Variants in RASAL2 observed in about 807,000 individuals in gnomAD.
RASAL2 encodes the protein ras GTPase-activating protein nGAP.
In RASAL2, 58 loss-of-function variants were observed where a neutral mutation model predicts 128.9. The observed-to-expected ratio is 0.45, with a 90% CI of 0.36 to 0.56. The LOEUF is 0.56. Ranked by LOEUF, RASAL2 falls within the 20% of genes least tolerant of loss-of-function variation. The probability of loss-of-function intolerance (pLI) is 0.00; values close to 1 mark genes in which losing one functional copy is unlikely to be tolerated. For synonymous variants in RASAL2, 561 were observed against 580.8 expected, an observed-to-expected ratio of 0.97 and a Z score of 0.49; for missense variants, 1,360 against 1,601.6, an observed-to-expected ratio of 0.85 and a Z score of 2.57.
chr1:178,323,564 G>T (rs1668893523), intron 3 of RASAL2, among the ~76,000 whole-genome samples: 1 of 152,188 alleles, frequency 6.6e-6, no homozygotes, highest in East Asian at 1.9e-4. Context: ...AAATGCCATT[G>T]TCCAAGTTAA....
intron 3 of RASAL2, among the ~76,000 whole-genome samples, chr1:178,329,695 A>G (rs1279928440): frequency 6.6e-6 from 1 of 152,004 alleles, no homozygotes; most frequent in Non-Finnish European, 1.5e-5. Context: ...AAGCTAATGT[A>G]TCTGTCAAGT....
At chr1:178,260,616 A>G (rs1163962126) in intron 1 of RASAL2, among the ~76,000 whole-genome samples, 1 of 151,338 alleles carries the variant, frequency 6.6e-6, no homozygotes. Context: ...TTACAGGTAA[A>G]ATATTTCCCA....
At position 178,300,034 on chromosome 1, in the gene RASAL2, A is replaced by G. The variant is rs1667693987; in HGVS notation, c.373A>G (p.Lys125Glu). The change falls in exon 3 of 18, where the codon AAA becomes GAA. Residue 125 changes from lysine (K) to glutamate (E), a missense_variant. By Grantham distance (56) the Lys-to-Glu change is moderately conservative. Around this residue, in one of 3 missense-constraint regions of RASAL2, gnomAD observed 617 missense variants for 714.2 expected, o/e 0.86. Coordinates refer to ENST00000367649, the MANE Select transcript of RASAL2 (RefSeq NM_170692.4). ...ACAGGAGCAGCAGACAGATTCCACC[A>G]AAGGGCGATGCCTGAGGAGAACTGT... ...GGQEQQTDSTKGRCLRRTVSV... is the reference protein window; with the variant it reads ...GGQEQQTDSTEGRCLRRTVSV... The G allele has an allele frequency of 1.2e-6, 2 of 1,614,044 alleles. No individual in the cohort carries two copies. Among genetic ancestry groups the G allele is most frequent in the Non-Finnish European group, 1.7e-6 (2 of 1,179,956 alleles).
intron 7 of RASAL2, among the ~76,000 whole-genome samples, chr1:178,441,995 G>A (rs776206387): frequency 1.3e-5 from 2 of 151,904 alleles, no homozygotes; most frequent in African/African-American, 2.4e-5. Context: ...AGGAGCAAGC[G>A]AGAGAGAGAG....
chr1:178,432,783 TTCCCCATATCTGTTAGTCTAATTCA>T (rs1676001965), intron 5 of RASAL2, among the ~76,000 whole-genome samples: 1 of 152,154 alleles, frequency 6.6e-6, no homozygotes, highest in Non-Finnish European at 1.5e-5. Flanking sequence ...CATCTACTTC[TTCCCCATATCTGTTAGTCTAATTCA>T]TTATCTTTAC....
At chr1:178,104,853 A>G (rs908619794) in intron 1 of RASAL2, among the ~76,000 whole-genome samples, 3 of 152,258 alleles carry the variant, frequency 2.0e-5, no homozygotes, top group East Asian at 3.9e-4. Flanking sequence ...GGGAGTATAG[A>G]CTCAAAGCAA....
chr1:178,409,395 TAA>T (rs1674213552), intron 4 of RASAL2, among the ~76,000 whole-genome samples: 1 of 152,138 alleles, frequency 6.6e-6, no homozygotes, highest in Non-Finnish European at 1.5e-5. Flanking sequence ...GAGGGGCACG[TAA>T]TCTAGGGCAG....
chr1:178,470,557 A>C (rs1045894361), intron 17 of RASAL2: 3 of 542,034 alleles, frequency 5.5e-6, no homozygotes, highest in Non-Finnish European at 9.6e-6. Context: ...ACCCCTGAGC[A>C]TGAGGAGACA....
chr1:178,326,438 T>A (rs1340138822), intron 3 of RASAL2, among the ~76,000 whole-genome samples: 1 of 152,228 alleles, frequency 6.6e-6, no homozygotes, highest in East Asian at 1.9e-4. Flanking sequence ...CTTTCAAAAT[T>A]TATTGTATAC....
intron 1 of RASAL2, among the ~76,000 whole-genome samples, chr1:178,254,833 A>G (rs1665245868): frequency 6.6e-6 from 1 of 152,248 alleles, no homozygotes; most frequent in South Asian, 2.1e-4. Flanking sequence ...GTGAACTCCA[A>G]GTAGGATAAA....
At chr1:178,395,793 T>TATATATATATATATATATCTATATATA (rs879578177) in intron 4 of RASAL2, among the ~76,000 whole-genome samples, 1 of 124,602 alleles carries the variant, frequency 8.0e-6, no homozygotes, top group African/African-American at 3.5e-5. Context: ...ATATATATAT[T>TATATATATATATATATATCTATATATA]TATTTATTCA....
chr1:178,296,093 A>G (rs1159129565), intron 2 of RASAL2, among the ~76,000 whole-genome samples: 3 of 150,936 alleles, frequency 2.0e-5, no homozygotes, highest in East Asian at 1.9e-4. Context: ...ATGTGTGTGT[A>G]TATATATGTG....
intron 3 of RASAL2, among the ~76,000 whole-genome samples, chr1:178,366,729 A>G (rs569992002): frequency 1.3e-5 from 2 of 152,064 alleles, no homozygotes; most frequent in African/African-American, 4.8e-5. Flanking sequence ...AACAACCCAA[A>G]TGTCCATTAG....
intron 5 of RASAL2, among the ~76,000 whole-genome samples, chr1:178,427,134 GA>G (rs1414158009): frequency 6.6e-6 from 1 of 152,104 alleles, no homozygotes; most frequent in Non-Finnish European, 1.5e-5. Context: ...CGATTTCCTA[GA>G]ATCAATATTG....
intron 1 of RASAL2, among the ~76,000 whole-genome samples, chr1:178,220,990 A>G (rs1286935843): frequency 6.6e-6 from 1 of 152,222 alleles, no homozygotes; most frequent in African/African-American, 2.4e-5. Context: ...TTTTAAAGAA[A>G]CTGCCAAATC....
intron 1 of RASAL2, among the ~76,000 whole-genome samples, chr1:178,140,165 G>A (rs1488462097): frequency 1.1e-4 from 17 of 152,020 alleles, no homozygotes; most frequent in Non-Finnish European, 2.5e-4. Flanking sequence ...CTCCTCCAAG[G>A]ACAGTTTTTG....
chr1:178,263,441 T>A (rs114926043), intron 1 of RASAL2, among the ~76,000 whole-genome samples: 1 of 152,312 alleles, frequency 6.6e-6, no homozygotes, highest in Non-Finnish European at 1.5e-5. Context: ...GTCACATGGC[T>A]GGCAAGTGAT....
chr1:178,435,005 G>A (rs901505080), intron 5 of RASAL2, among the ~76,000 whole-genome samples: 8 of 151,986 alleles, frequency 5.3e-5, no homozygotes, highest in Middle Eastern at 3.4e-3. Flanking sequence ...TACTACCTAG[G>A]ACATTTTTAA....
chr1:178,261,379 A>G (rs1195454363), intron 1 of RASAL2, among the ~76,000 whole-genome samples: 1 of 152,190 alleles, frequency 6.6e-6, no homozygotes, highest in African/African-American at 2.4e-5. Flanking sequence ...CTTTTTTTGT[A>G]TACCTTTATA....
Sources: gnomAD v4.1 joint callset for allele counts (sites outside exome capture counted in the v4.1 genomes callset) on GRCh38, gnomAD v4.1.1 for gene constraint, gnomAD v4.1.1 regional missense constraint, MANE v1.5 for transcripts, NCBI Gene and HGNC (gene_info 2026-07-23, HGNC 2026-07-21) for gene names.